PREPL: variants seen among roughly 807,000 people sequenced by gnomAD.
PREPL encodes the protein prolyl endopeptidase-like.
Under a neutral mutation model 70.6 loss-of-function variants are expected in PREPL, and 77 were observed. The observed-to-expected ratio is 1.09, with a 90% CI of 0.91 to 1.32. The LOEUF is 1.32. Ranked by LOEUF, PREPL falls within the 40% of genes most tolerant of loss-of-function variation. PREPL has a pLI of 0.00. For missense variants in PREPL, 1,002 were observed against 778.2 expected, an observed-to-expected ratio of 1.29 and a Z score of -3.42; for synonymous variants, 315 against 264.8, an observed-to-expected ratio of 1.19 and a Z score of -1.84.
chr2:44,330,311 G>T (rs1296988407), intron 8 of PREPL, among the ~76,000 whole-genome samples: 1 of 152,178 alleles, frequency 6.6e-6, no homozygotes, highest in Non-Finnish European at 1.5e-5. Flanking sequence ...AATGCCTGTG[G>T]AAAGGTATAG....
rs570195776 is a variant in PREPL, at chr2:44,319,384, A to C, written c.*1972T>G. The C allele has an allele frequency of 1.3e-5, 2 of 152,726 alleles. No individual in the cohort carries two copies. Among genetic ancestry groups the C allele is most frequent in the East Asian group, 1.9e-4 (1 of 5,182 alleles). The allele number at this position is 152,726 out of a possible 1,614,324, so 9.5% of individuals were successfully genotyped here. On this transcript the variant is annotated 3_prime_UTR_variant, in exon 14 of 14. Coordinates refer to ENST00000409411, the MANE Select transcript of PREPL (RefSeq NM_001171613.2). ...TGATAATCTATCTTAAGTAATACAA[A>C]AATGGGGGGAGGGGAATAAAAATAC...
At chr2:44,355,367 C>G (rs993735197) in intron 1 of PREPL, among the ~76,000 whole-genome samples, 1 of 152,056 alleles carries the variant, frequency 6.6e-6, no homozygotes, top group African/African-American at 2.4e-5. Flanking sequence ...GCCAACATGG[C>G]GAAACCCTGT....
At position 44,349,294 on chromosome 2, in the gene PREPL, A is replaced by C. The variant is rs377035312; in HGVS notation, c.-48-2904T>G. Among the ~76,000 whole-genome samples, 20 of 152,270 alleles carry C rather than the reference A, an allele frequency of 1.3e-4. No homozygotes were observed. The East Asian group carries it at 1.5e-3, about 12-fold the overall frequency. On this transcript the variant is annotated intron_variant, in intron 1 of 13. Coordinates refer to ENST00000409411, the MANE Select transcript of PREPL (RefSeq NM_001171613.2). ...TAAGGCTAGAGCAGGGAGAAAATAC[A>C]TGGTAGGTTTGGGAAATCTTATGCC...
intron 1 of PREPL, among the ~76,000 whole-genome samples, chr2:44,351,514 TAAAAAAAAA>T (rs56070602): frequency 3.5e-5 from 5 of 144,302 alleles, no homozygotes; most frequent in Non-Finnish European, 7.6e-5. Context: ...CTCGCCCTAT[TAAAAAAAAA>T]AAAAACAAAA....
At chr2:44,321,580 A>G in intron 13 of PREPL, 135 bp from the exon 14 acceptor site, 4 of 1,494,476 alleles carry the variant, frequency 2.7e-6, no homozygotes, top group Non-Finnish European at 2.7e-6. Flanking sequence ...TTCATTCGAG[A>G]GAGAGGCAGA....
At chr2:44,345,441 T>C (rs970032242) in intron 2 of PREPL, among the ~76,000 whole-genome samples, 2 of 152,096 alleles carry the variant, frequency 1.3e-5, no homozygotes, top group African/African-American at 4.8e-5. Flanking sequence ...AACCTCTGCA[T>C]CCTGAGTTCA....
In PREPL at chr2:44,320,936, A is replaced by C; in HGVS notation, c.*420T>G. On this transcript the variant is annotated 3_prime_UTR_variant, in exon 14 of 14. Transcript: ENST00000409411. Reference sequence around the variant, plus strand: ...ACTTTAACGAATTTTAAGGGGAAGAATTTTATCTTTTCCCTTAAAATGCAG... The same window carrying C: ...ACTTTAACGAATTTTAAGGGGAAGACTTTTATCTTTTCCCTTAAAATGCAG... 4.7e-6 allele frequency: 2 copies of C among 428,712 alleles called. No individual in the cohort carries two copies. The highest frequency in any genetic ancestry group is 8.5e-6 in the Non-Finnish European group (2 of 236,132). The allele number at this position is 428,712 out of a possible 1,614,324, so 26.6% of individuals were successfully genotyped here. A position where few individuals can be genotyped will look rare whatever the true frequency, so the allele number is the denominator to read the frequency against.
At chr2:44,322,587 T>C in intron 12 of PREPL, 144 bp downstream of exon 12, 2 of 1,072,810 alleles carry the variant, frequency 1.9e-6, no homozygotes, top group Non-Finnish European at 2.7e-6. Context: ...ACACTTTAAC[T>C]GGGGAGTCAA....
In PREPL at chr2:44,343,814, T is replaced by A. The variant is rs1675485746; in HGVS notation, c.280A>T (p.Thr94Ser). 2 of 1,613,956 alleles carry A rather than the reference T, an allele frequency of 1.2e-6. No individual in the cohort carries two copies. Among genetic ancestry groups the A allele is most frequent in the Non-Finnish European group, 1.7e-6 (2 of 1,179,850 alleles). ...TCGCTGAGCTTTATAATTACACAGG[T>A]AGATGCTTCAGAATCTTCAGTTCTT... is the stretch of plus-strand genomic sequence containing the variant. ...KIRTEDSEAS[T>S]CVIIKLSDQP... is the part of the protein sequence containing the mutation. The change falls in exon 4 of 14, where the codon ACC becomes TCC. Residue 94 changes from threonine (T) to serine (S), a missense_variant. Thr to Ser is a moderately conservative substitution (Grantham distance 58). Coordinates refer to ENST00000409411, the MANE Select transcript of PREPL (RefSeq NM_001171613.2).
At chr2:44,324,197 C>T (rs1164943595) in intron 10 of PREPL, among the ~76,000 whole-genome samples, 1 of 152,090 alleles carries the variant, frequency 6.6e-6, no homozygotes, top group Admixed American at 6.6e-5. Flanking sequence ...TTGTATGACT[C>T]CACCTATGTG....
Position 44,320,013 on chromosome 2 carries a change from T to C in PREPL, c.*1343A>G. On this transcript the variant is annotated 3_prime_UTR_variant, in exon 14 of 14. Transcript: ENST00000409411. ...TCCCAGACAAGCCGAAACCCCGAATTTGTCATTTCTATCAGTTTTTATATA... is the reference window on the plus strand; with the variant it reads ...TCCCAGACAAGCCGAAACCCCGAATCTGTCATTTCTATCAGTTTTTATATA... 1 of 597,026 alleles carries C rather than the reference T, an allele frequency of 1.7e-6. No homozygotes were observed. The highest frequency in any genetic ancestry group is 2.9e-6 in the Non-Finnish European group (1 of 339,632). 37.0% of individuals were successfully genotyped at this position (597,026 alleles called of 1,614,324 possible).
chr2:44,322,673 G>A, intron 12 of PREPL, 58 bp downstream of exon 12: 1 of 1,564,932 alleles, frequency 6.4e-7, no homozygotes, highest in Non-Finnish European at 8.7e-7. Flanking sequence ...CCTCTGAGCA[G>A]TGTGCTGTGG....
chr2:44,323,004 C>T, intron 11 of PREPL, 150 bp from the exon 12 acceptor site: 2 of 1,096,828 alleles, frequency 1.8e-6, no homozygotes, highest in South Asian at 1.6e-5. Context: ...CTCAGTATTA[C>T]AGTAGTAGAC....
At position 44,320,505 on chromosome 2, in the gene PREPL, A is replaced by G; in HGVS notation, c.*851T>C. On this transcript the variant is annotated 3_prime_UTR_variant, in exon 14 of 14. Transcript: ENST00000409411. ...TGATACAAGTGGCATTTTTCTGGAC[A>G]AGGGAGAGGGACTCATCTTTGAACA... The G allele has an allele frequency of 1.9e-6, 3 of 1,614,144 alleles. No individual in the cohort carries two copies. The highest frequency in any genetic ancestry group is 2.2e-5 in the East Asian group (1 of 44,890).
intron 2 of PREPL, 68 bp downstream of exon 2, chr2:44,346,200 C>A: frequency 7.0e-7 from 1 of 1,431,054 alleles, no homozygotes. Context: ...TCTAAATCAC[C>A]AAGTATCTCA....
chr2:44,340,153 G>C (rs1196331393), intron 5 of PREPL, among the ~76,000 whole-genome samples: 1 of 151,822 alleles, frequency 6.6e-6, no homozygotes, highest in Non-Finnish European at 1.5e-5. Context: ...TATTATAACA[G>C]GTTTAATGGC....
chr2:44,336,082 G>A (rs1018031065), intron 7 of PREPL, among the ~76,000 whole-genome samples: 29 of 152,138 alleles, frequency 1.9e-4, no homozygotes, highest in Non-Finnish European at 3.2e-4. Context: ...GTAGAAAAAA[G>A]GGAAAGCTTA....
At chr2:44,341,630 T>C (rs779185019) in intron 5 of PREPL, among the ~76,000 whole-genome samples, 2 of 151,974 alleles carry the variant, frequency 1.3e-5, no homozygotes, top group African/African-American at 2.4e-5. Flanking sequence ...ATACGAAATA[T>C]AAAGAACTAG....
intron 3 of PREPL, 124 bp downstream of exon 3, chr2:44,344,395 TA>T (rs932056923): frequency 7.8e-4 from 587 of 749,446 alleles, no homozygotes; most frequent in South Asian, 1.0e-3. Flanking sequence ...AACTAGTCAT[TA>T]AAAAAAAATT....
Sources: gnomAD v4.1 joint callset for allele counts (sites outside exome capture counted in the v4.1 genomes callset) on GRCh38, gnomAD v4.1.1 for gene constraint, MANE v1.5 for transcripts, NCBI Gene and HGNC (gene_info 2026-07-23, HGNC 2026-07-21) for gene names.